Variants in MROH9 observed in about 807,000 individuals in gnomAD.
MROH9 encodes maestro heat-like repeat-containing protein family member 9.
MROH9 carries 92 observed loss-of-function variants against 98.2 expected under a neutral mutation model. That is an observed-to-expected ratio of 0.94 (90% CI 0.79 to 1.11). The LOEUF is 1.11. MROH9 is among the 50% of genes most tolerant of loss of function. The pLI is 0.00. For synonymous variants in MROH9, 397 were observed against 368.9 expected (o/e 1.08, Z -0.87); for missense variants, 1,057 against 1,014.8 (o/e 1.04, Z -0.57).
At chr1:170,938,221 G>A (rs61815192) in intron 1 of MROH9, among the ~76,000 whole-genome samples, 5,726 of 152,176 alleles carry the variant, frequency 0.038, 157 homozygotes, top group Middle Eastern at 0.061. Context: ...AATTATTGTC[G>A]TGTCCCCTGA....
intron 13 of MROH9, 137 bp downstream of exon 13, chr1:170,995,668 T>C: frequency 9.7e-7 from 1 of 1,027,762 alleles, no homozygotes; most frequent in Non-Finnish European, 1.4e-6. Context: ...TTCTCTCCTC[T>C]GAATGGTAGA....
chr1:170,978,194 T>C (rs1445579799), intron 8 of MROH9, among the ~76,000 whole-genome samples: 1 of 152,118 alleles, frequency 6.6e-6, no homozygotes. Flanking sequence ...CTTGGGGTTA[T>C]GCTTGTTGGA....
At chr1:170,956,561 G>T (rs57874502) in intron 3 of MROH9, among the ~76,000 whole-genome samples, 12,368 of 127,452 alleles carry the variant, frequency 0.097, 1,701 homozygotes, top group African/African-American at 0.32. Context: ...CTAAGTTGTT[G>T]TTGGTTTGTT....
intron 20 of MROH9, among the ~76,000 whole-genome samples, chr1:171,061,016 A>G (rs1653993797): frequency 6.6e-6 from 1 of 152,228 alleles, no homozygotes; most frequent in African/African-American, 2.4e-5. Context: ...TAAAACGTCT[A>G]CAAGTAACTA....
At chr1:170,944,610 A>G (rs1310117537) in intron 1 of MROH9, among the ~76,000 whole-genome samples, 3 of 152,092 alleles carry the variant, frequency 2.0e-5, no homozygotes, top group African/African-American at 7.2e-5. Flanking sequence ...GTAAACAACC[A>G]CTAAGTAGTG....
chr1:170,936,941 A>G (rs1648907985), intron 1 of MROH9, among the ~76,000 whole-genome samples: 1 of 152,222 alleles, frequency 6.6e-6, no homozygotes, highest in South Asian at 2.1e-4. Flanking sequence ...TGAAACATGC[A>G]TTACATCATT....
rs16863884 is a variant in MROH9, at chr1:170,969,533, T to C, written c.481-2215T>C. Among the ~76,000 whole-genome samples, 634 of 152,308 alleles carry C rather than the reference T, an allele frequency of 4.2e-3. 6 individuals are homozygous for C. Among genetic ancestry groups the C allele is most frequent in the African/African-American group, 0.015 (613 of 41,558 alleles). On this transcript the variant is annotated intron_variant, in intron 7 of 21. Transcript: ENST00000367759. ...ATTGTGGCGAAGTGGAAGAATGGAA[T>C]TGAGATAGACAATGTCTCAAACTGA... is the stretch of plus-strand genomic sequence containing the variant.
rs548284797 is a variant in MROH9, at chr1:171,002,893, T to C, written c.1596+4619T>C. Among the ~76,000 whole-genome samples, 8 of 152,318 alleles carry C rather than the reference T, an allele frequency of 5.3e-5. No individual in the cohort carries two copies. In the East Asian group the frequency reaches 7.7e-4, roughly 15 times the overall value. ...CTTCTTCCTCAGGAATACCAATTAT[T>C]CTTAGGTTTAGTTGTTTAACATAAT... On this transcript the variant is annotated intron_variant, in intron 15 of 21. Coordinates refer to ENST00000367759, the MANE Select transcript of MROH9 (RefSeq NM_001163629.2).
rs372322877 is a variant in MROH9, at chr1:171,064,192, C to T, written c.2438C>T (p.Thr813Ile). ...TTTAAGAAAAAAGCCCATAAACTGA[C>T]CTCTGCACCTCTTAAACAAAACTTC... ...DIFKKKAHKL[T>I]SAPLKQNFQK... is the part of the protein sequence containing the mutation. The change falls in exon 22 of 22, where the codon ACC (threonine) becomes ATC (isoleucine). Residue 813 changes from threonine to isoleucine, a missense_variant. Thr to Ile is a moderately conservative substitution (Grantham distance 89, BLOSUM62 -1). Coordinates refer to ENST00000367759, the MANE Select transcript of MROH9 (RefSeq NM_001163629.2). The T allele has an allele frequency of 2.4e-5, 37 of 1,551,450 alleles. No homozygotes were observed. The African/African-American group carries it at 4.6e-4, about 19-fold the overall frequency.
chr1:170,989,165 C>A (rs1651258855), intron 10 of MROH9, among the ~76,000 whole-genome samples: 1 of 151,878 alleles, frequency 6.6e-6, no homozygotes, highest in Non-Finnish European at 1.5e-5. Context: ...ATTTATGATC[C>A]AGGATCACAA....
intron 20 of MROH9, among the ~76,000 whole-genome samples, chr1:171,041,972 A>T (rs1437528916): frequency 2.0e-5 from 3 of 152,082 alleles, no homozygotes; most frequent in Admixed American, 2.0e-4. Flanking sequence ...CCCATCAAAC[A>T]TTTATCCTTT....
At chr1:170,952,029 G>GCAAAT (rs1346474778) in intron 3 of MROH9, among the ~76,000 whole-genome samples, 1 of 152,076 alleles carries the variant, frequency 6.6e-6, no homozygotes, top group Non-Finnish European at 1.5e-5. Context: ...TCAGAGAAAT[G>GCAAAT]CAAATCAAAA....
chr1:170,975,322 T>C (rs902922944), intron 8 of MROH9, among the ~76,000 whole-genome samples: 1 of 152,140 alleles, frequency 6.6e-6, no homozygotes, highest in Admixed American at 6.5e-5. Flanking sequence ...AGTGGCTATA[T>C]TCTATTATTA....
In MROH9 at chr1:170,992,237, T is replaced by C. The variant is rs1366194928; in HGVS notation, c.1102T>C (p.Leu368=). 18 of 1,613,594 alleles carry C rather than the reference T, an allele frequency of 1.1e-5. No homozygotes were observed. Among genetic ancestry groups the C allele is most frequent in the Middle Eastern group, 1.7e-4 (1 of 6,052 alleles). The change falls in exon 12 of 22, where the codon TTG becomes CTG. Residue 368 remains leucine, a synonymous_variant. Coordinates refer to ENST00000367759, the MANE Select transcript of MROH9 (RefSeq NM_001163629.2). ...CCCTCACGTGCTGAAGACAATCTTA[T>C]TGATACTGAAAGGAAAGCCTGGGGA... is the stretch of plus-strand genomic sequence containing the variant. The part of the protein sequence containing the change: ...VAPHVLKTIL[L]ILKGKPGEME...
At chr1:170,942,053 A>G (rs1649140677) in intron 1 of MROH9, among the ~76,000 whole-genome samples, 1 of 152,170 alleles carries the variant, frequency 6.6e-6, no homozygotes, top group Non-Finnish European at 1.5e-5. Flanking sequence ...GCCCATATCA[A>G]TAAATTTGGC....
rs1285779352 is a variant in MROH9, at chr1:171,062,185, A to G, written c.2335A>G (p.Met779Val). 1.9e-6 allele frequency: 3 copies of G among 1,548,324 alleles called. No individual in the cohort carries two copies. The highest frequency in any genetic ancestry group is 2.7e-5 in the African/African-American group (2 of 72,970). Residue 779 changes from methionine to valine, a missense_variant, in exon 21 of 22, where the codon ATG becomes GTG. Coordinates refer to ENST00000367759, the MANE Select transcript of MROH9 (RefSeq NM_001163629.2). ...HLLLRDEIEV[M>V]LDVIERLLRD... ...ACTGCTTAGAGATGAAATCGAAGTCATGCTTGATGGTGAGTATTGAGGTTA... is the reference window on the plus strand; with the variant it reads ...ACTGCTTAGAGATGAAATCGAAGTCGTGCTTGATGGTGAGTATTGAGGTTA...
intron 10 of MROH9, among the ~76,000 whole-genome samples, chr1:170,988,131 CT>C (rs1472597717): frequency 6.6e-6 from 1 of 152,138 alleles, no homozygotes; most frequent in African/African-American, 2.4e-5. Flanking sequence ...AGTGGCAGAG[CT>C]TTAAACAAAG....
chr1:171,058,353 A>T (rs1653912865), intron 20 of MROH9, among the ~76,000 whole-genome samples: 1 of 151,916 alleles, frequency 6.6e-6, no homozygotes, highest in African/African-American at 2.4e-5. Context: ...ATGCAAAAAA[A>T]AAAAAAAAGG....
At position 171,025,484 on chromosome 1, in the gene MROH9, A is replaced by T. The variant is rs944173306; in HGVS notation, c.2281+64A>T. 2.7e-5 allele frequency: 30 copies of T among 1,099,496 alleles called. No homozygotes were observed. In the Middle Eastern group the frequency reaches 8.7e-4, roughly 32 times the overall value. The allele number at this position is 1,099,496 out of a possible 1,614,324, so 68.1% of individuals were successfully genotyped here. ...AATGGTATAGAATGGAGAAGAAACT[A>T]AAAGTCTTTCTTACATTTTTTTTAA... On this transcript the variant is annotated intron_variant, in intron 20 of 21. Transcript: ENST00000367759.
Sources: gnomAD v4.1 joint callset for allele counts (sites outside exome capture counted in the v4.1 genomes callset) on GRCh38, gnomAD v4.1.1 for gene constraint, MANE v1.5 for transcripts, NCBI Gene and HGNC (gene_info 2026-07-23, HGNC 2026-07-21) for gene names.